Variants in ATP2C1 observed in about 807,000 individuals in gnomAD.
The protein encoded by ATP2C1 is ATPase secretory pathway Ca2+ transporting 1.
Under a neutral mutation model 120.5 loss-of-function variants are expected in ATP2C1, and 31 were observed. The ratio of observed to expected loss-of-function variants is 0.26; its 90% confidence interval spans 0.19 to 0.35. The LOEUF is 0.35. Among genes scored for constraint, ATP2C1 ranks in the 10% least tolerant of loss-of-function variants. The probability of loss-of-function intolerance (pLI) is 1.00; values close to 1 mark genes in which losing one functional copy is unlikely to be tolerated. For missense variants in ATP2C1, 731 were observed against 1,107.5 expected (o/e 0.66, Z 4.83); for synonymous variants, 351 against 358.7 (o/e 0.98, Z 0.24).
chr3:130,932,630 T>A (rs2059496437), intron 4 of ATP2C1, among the ~76,000 whole-genome samples: 1 of 152,136 alleles, frequency 6.6e-6, no homozygotes, highest in African/African-American at 2.4e-5. Context: ...TAGATGATAG[T>A]TATTTATATT....
Position 131,016,061 on chromosome 3 carries a change from C to T in ATP2C1, c.2630-91C>T, listed in dbSNP as rs137959597. The T allele has an allele frequency of 1.5e-3, 2,097 of 1,408,652 alleles. 31 individuals carry two copies. In the African/African-American group the frequency reaches 0.028, roughly 19 times the overall value. The allele number at this position is 1,408,652 out of a possible 1,614,324, so 87.3% of individuals were successfully genotyped here. A position where few individuals can be genotyped will look rare whatever the true frequency, so the allele number is the denominator to read the frequency against. On this transcript the variant is annotated intron_variant, in intron 26 of 26. Coordinates refer to the ATP2C1 transcript ENST00000328560. Reference sequence around the variant, plus strand: ...TGTTTTGGTTTTTTTTTTTAAGTAACTTTGTTGCTTTAAATATAAGTGAAA... The same window carrying T: ...TGTTTTGGTTTTTTTTTTTAAGTAATTTTGTTGCTTTAAATATAAGTGAAA...
intron 26 of ATP2C1, among the ~76,000 whole-genome samples, chr3:130,998,634 C>T (rs1225900788): frequency 1.3e-5 from 2 of 152,182 alleles, no homozygotes; most frequent in African/African-American, 2.4e-5. Context: ...GTGTTGTCAT[C>T]TGCGTTTAGC....
At chr3:130,961,083 T>A (rs1459357732) in intron 12 of ATP2C1, among the ~76,000 whole-genome samples, 1 of 152,084 alleles carries the variant, frequency 6.6e-6, no homozygotes, top group African/African-American at 2.4e-5. Context: ...GTGTTTTTTT[T>A]TTTCTCAAGG....
chr3:130,877,520 C>T (rs992626713), intron 1 of ATP2C1, among the ~76,000 whole-genome samples: 5 of 152,198 alleles, frequency 3.3e-5, no homozygotes, highest in Admixed American at 6.5e-5. Flanking sequence ...TTTATGCAGC[C>T]GACAGACCCA....
intron 2 of ATP2C1, among the ~76,000 whole-genome samples, chr3:130,919,708 C>A (rs1211520731): frequency 6.6e-6 from 1 of 152,046 alleles, no homozygotes; most frequent in East Asian, 1.9e-4. Flanking sequence ...GATAAATACC[C>A]CAAAGTGGGA....
At chr3:131,008,759 T>A (rs2063208638) in intron 26 of ATP2C1, among the ~76,000 whole-genome samples, 1 of 152,196 alleles carries the variant, frequency 6.6e-6, no homozygotes, top group Non-Finnish European at 1.5e-5. Context: ...CAATTTTCTC[T>A]ACCCTCCAAT....
chr3:131,012,257 T>C (rs909806760), intron 26 of ATP2C1, among the ~76,000 whole-genome samples: 4 of 98,624 alleles, frequency 4.1e-5, no homozygotes, highest in Non-Finnish European at 9.2e-5. Flanking sequence ...GTTTTTCTTT[T>C]TTCTTTTTTT....
intron 1 of ATP2C1, among the ~76,000 whole-genome samples, chr3:130,882,340 C>T (rs1455388000): frequency 6.6e-6 from 1 of 151,880 alleles, no homozygotes; most frequent in East Asian, 1.9e-4. Flanking sequence ...ACTGGGATTA[C>T]AGGCATGCAC....
intron 1 of ATP2C1, among the ~76,000 whole-genome samples, chr3:130,879,193 C>T (rs2068704013): frequency 6.6e-6 from 1 of 152,118 alleles, no homozygotes. Flanking sequence ...TCCTGAGTAG[C>T]TGGGATTACA....
rs115913854 is a variant in ATP2C1, at chr3:130,998,677, A to G, written c.2487+288A>G. Among the ~76,000 whole-genome samples, 3,666 of 152,308 alleles carry G rather than the reference A, an allele frequency of 0.024. 155 individuals carry two copies. The highest frequency in any genetic ancestry group is 0.083 in the African/African-American group (3,465 of 41,562). On this transcript the variant is annotated intron_variant, in intron 26 of 27. Transcript: ENST00000510168. ...AGCTATAAGATAGATCGTGGTTAAC[A>G]TTATTTGAGCATAGAACAAACCTCA...
rs567048259 is a variant in ATP2C1 at position 130,953,783 on chromosome 3, C to T, written c.532-38C>T. The stretch of plus-strand genomic sequence containing the variant: ...TGAACTCTAGAGATGTTAAATGTAG[C>T]ACAAAATTTGAATCTGGGATTCTTT... On this transcript the variant is annotated intron_variant, in intron 8 of 27. Transcript: ENST00000510168. 62 of 1,611,752 alleles carry T rather than the reference C, an allele frequency of 3.8e-5. 1 individual carries two copies. The South Asian group carries it at 6.6e-4, about 17-fold the overall frequency.
At chr3:130,963,562 T>C (rs961145126) in intron 12 of ATP2C1, 1 of 212,962 alleles carries the variant, frequency 4.7e-6, no homozygotes, top group Non-Finnish European at 9.6e-6. Context: ...TGATGAATAT[T>C]TGGCCTGTTT....
chr3:130,966,249 G>GTGAA (rs1267374171), intron 14 of ATP2C1, among the ~76,000 whole-genome samples: 1 of 152,086 alleles, frequency 6.6e-6, no homozygotes, highest in Non-Finnish European at 1.5e-5. Flanking sequence ...TGCTGTGTTG[G>GTGAA]TGAATGTGCC....
At chr3:131,015,974 G>A (rs758376568) in intron 26 of ATP2C1, 58 of 830,564 alleles carry the variant, frequency 7.0e-5, no homozygotes, top group Admixed American at 1.0e-4. Flanking sequence ...TATTTTTCCC[G>A]TTTCCAGCTC....
Position 131,001,362 on chromosome 3 carries a change from T to C in ATP2C1, c.*12T>C, listed in dbSNP as rs1560038532. On this transcript the variant is annotated 3_prime_UTR_variant, in exon 28 of 28. Transcript: ENST00000510168. ...TTCTTGAAGTATGATGCATATTGCA[T>C]TATTTTATTTGCAAACTAGGAATTG... 1 of 1,611,768 alleles carries C rather than the reference T, an allele frequency of 6.2e-7. No individual in the cohort carries two copies. Among genetic ancestry groups the C allele is most frequent in the Non-Finnish European group, 8.5e-7 (1 of 1,178,720 alleles).
chr3:130,896,410 TG>T (rs2069629467), intron 2 of ATP2C1, among the ~76,000 whole-genome samples: 1 of 152,222 alleles, frequency 6.6e-6, no homozygotes, highest in African/African-American at 2.4e-5. Flanking sequence ...TAAAAACGTG[TG>T]GGGTTTTCTG....
chr3:130,982,974 G>T (rs181818165), intron 20 of ATP2C1, among the ~76,000 whole-genome samples: 1 of 152,138 alleles, frequency 6.6e-6, no homozygotes, highest in African/African-American at 2.4e-5. Context: ...TTATAATTCT[G>T]AACATTCATT....
intron 4 of ATP2C1, 138 bp from the exon 5 acceptor site, chr3:130,934,482 AAG>A (rs2059580595): frequency 3.1e-6 from 2 of 636,330 alleles, no homozygotes; most frequent in Non-Finnish European, 5.6e-6. Context: ...TTGTTAATTG[AAG>A]AGATACATAA....
intron 17 of ATP2C1, among the ~76,000 whole-genome samples, chr3:130,972,025 GGGACT>G (rs2061338006): frequency 6.6e-6 from 1 of 152,168 alleles, no homozygotes; most frequent in South Asian, 2.1e-4. Flanking sequence ...TTTGGCACCA[GGGACT>G]GGTTTCCTGG....
Sources: allele counts gnomAD v4.1 joint callset (sites outside exome capture counted in the v4.1 genomes callset), GRCh38; gene constraint gnomAD v4.1.1; transcripts MANE v1.5; gene names NCBI Gene and HGNC (gene_info 2026-07-23, HGNC 2026-07-21).